Variants in ZHX1 observed in about 807,000 individuals in gnomAD.
ZHX1 encodes the protein zinc fingers and homeoboxes 1.
ZHX1 carries 20 observed loss-of-function variants against 61.8 expected under a neutral mutation model. The ratio of observed to expected loss-of-function variants is 0.32; its 90% confidence interval spans 0.23 to 0.47. The LOEUF (loss-of-function observed/expected upper bound fraction) is 0.47, where lower values mean the gene tolerates loss of function less well. Ranked by LOEUF, ZHX1 falls within the 20% of genes least tolerant of loss-of-function variation. The pLI is 1.00. For synonymous variants in ZHX1, 318 were observed against 352.6 expected (o/e 0.90, Z 1.10); for missense variants, 800 against 1,034.8 (o/e 0.77, Z 3.11).
intron 2 of ZHX1, among the ~76,000 whole-genome samples, chr8:123,260,459 C>T (rs1354085494): frequency 2.7e-5 from 4 of 148,948 alleles, no homozygotes; most frequent in Non-Finnish European, 4.5e-5. Context: ...GTTAGCCGGG[C>T]GTGGTGGCGT....
intron 2 of ZHX1, among the ~76,000 whole-genome samples, chr8:123,262,433 T>C (rs1045702119): frequency 6.6e-6 from 1 of 152,160 alleles, no homozygotes; most frequent in Admixed American, 6.5e-5. Flanking sequence ...TGAGAGTATG[T>C]AAAAAAATGA....
rs892645215 is a variant in ZHX1 at position 123,254,701 on chromosome 8, T to C, written c.1246A>G (p.Thr416Ala). 7 of 1,614,040 alleles carry C rather than the reference T, an allele frequency of 4.3e-6. No homozygotes were observed. The Admixed American group carries it at 6.7e-5, about 15-fold the overall frequency. ...TTTTGACTTGGAACGCCTGCCACTG[T>C]CAAGGCTATAGGTGCTGTAACTGGC... ...TLPVTAPIAL[T>A]VAGVPSQNNI... The change falls in exon 3 of 4, where the codon ACA becomes GCA. Residue 416 changes from threonine (T) to alanine (A), a missense_variant. Physicochemically the swap from Thr to Ala is moderately conservative, Grantham distance 58. Transcript: ENST00000395571. This position sits in a 1 kb window ranked among gnomAD's most constrained non-coding sequence, Gnocchi z 4.1.
chr8:123,272,346 T>C (rs1826683087), intron 1 of ZHX1, among the ~76,000 whole-genome samples: 1 of 152,234 alleles, frequency 6.6e-6, no homozygotes, highest in Admixed American at 6.5e-5. Context: ...CATTTTACTT[T>C]GTATAAAATT....
At chr8:123,268,223 GT>G (rs1379058114) in intron 1 of ZHX1, among the ~76,000 whole-genome samples, 1 of 152,104 alleles carries the variant, frequency 6.6e-6, no homozygotes, top group Non-Finnish European at 1.5e-5. Flanking sequence ...CAAACATGGG[GT>G]TATCTAACAA....
intron 2 of ZHX1, among the ~76,000 whole-genome samples, chr8:123,258,271 T>G (rs1826137694): frequency 6.6e-6 from 1 of 152,162 alleles, no homozygotes; most frequent in South Asian, 2.1e-4. Flanking sequence ...TGCCATGTGA[T>G]CTCTGCCCAC....
intron 2 of ZHX1, among the ~76,000 whole-genome samples, chr8:123,266,389 T>G (rs892945001): frequency 7.2e-5 from 11 of 152,222 alleles, no homozygotes; most frequent in African/African-American, 2.7e-4. Context: ...GAGGATATAA[T>G]GATTTGATTT....
chr8:123,253,408 C>T lies in ZHX1; in HGVS notation c.2539G>A (p.Glu847Lys), dbSNP rs1316314209. Residue 847 changes from glutamate to lysine, a missense_variant, in exon 3 of 4, where the codon GAG (glutamate) becomes AAG (lysine). Transcript: ENST00000395571. Reference sequence around the variant, plus strand: ...CTATCATCTGTTTCTTCTTCATCCTCTTCCTGGTCATCAATAACTTCATCT... The same window carrying T: ...CTATCATCTGTTTCTTCTTCATCCTTTTCCTGGTCATCAATAACTTCATCT... The part of the protein sequence containing the change: ...EEDEVIDDQE[E>K]DEEETDDSDT... 3.1e-6 allele frequency: 5 copies of T among 1,613,902 alleles called. No homozygotes were observed. In the Admixed American group the frequency reaches 8.3e-5, roughly 27 times the overall value.
At chr8:123,250,626 G>C (rs1199479677) in intron 3 of ZHX1, among the ~76,000 whole-genome samples, 1 of 152,080 alleles carries the variant, frequency 6.6e-6, no homozygotes, top group Non-Finnish European at 1.5e-5. Flanking sequence ...CTAAAGACTT[G>C]TACTTTTTTC....
rs1261784809 is a variant in ZHX1, at chr8:123,255,602, A to G, written c.345T>C (p.Asp115=). The part of the protein sequence containing the change: ...VECNFLTKRY[D]ALSEHNLKYH... ...ATTTCAGATTATGCTCAGAAAGTGC[A>G]TCATACCTTTTGGTAAGAAAATTGC... Residue 115 remains aspartate (D), a synonymous_variant, in exon 3 of 4, where the codon GAT becomes GAC. Coordinates refer to ENST00000395571, the MANE Select transcript of ZHX1 (RefSeq NM_007222.5). 1.2e-6 allele frequency: 2 copies of G among 1,613,526 alleles called. No individual in the cohort carries two copies. Among genetic ancestry groups the G allele is most frequent in the African/African-American group, 1.3e-5 (1 of 75,064 alleles).
At chr8:123,257,555 G>T (rs901541795) in intron 2 of ZHX1, among the ~76,000 whole-genome samples, 3 of 152,174 alleles carry the variant, frequency 2.0e-5, no homozygotes, top group African/African-American at 4.8e-5. Context: ...ACCAGGGACT[G>T]GTCTCATGGA....
intron 2 of ZHX1, among the ~76,000 whole-genome samples, chr8:123,262,494 T>C (rs1353166710): frequency 6.6e-6 from 1 of 152,192 alleles, no homozygotes; most frequent in Non-Finnish European, 1.5e-5. Flanking sequence ...TTCACAAGTT[T>C]TCTTTTTCTT....
chr8:123,265,615 C>T (rs995607822), intron 2 of ZHX1, among the ~76,000 whole-genome samples: 3 of 152,074 alleles, frequency 2.0e-5, no homozygotes, highest in African/African-American at 7.2e-5. Context: ...CATTTAGAAA[C>T]ATCAAGTTCT....
intron 2 of ZHX1, among the ~76,000 whole-genome samples, chr8:123,264,318 A>G (rs569781604): frequency 1.5e-4 from 23 of 152,298 alleles, no homozygotes; most frequent in Admixed American, 1.2e-3. Flanking sequence ...AAGATTAAAA[A>G]TAAGTCCTCA....
intron 2 of ZHX1, among the ~76,000 whole-genome samples, chr8:123,262,185 G>A (rs913689067): frequency 2.6e-5 from 4 of 152,138 alleles, no homozygotes; most frequent in Non-Finnish European, 4.4e-5. Flanking sequence ...ATCCAGCACT[G>A]TAAATGTAAT....
In ZHX1 at chr8:123,250,197, T is replaced by A; in HGVS notation, c.*127A>T. The A allele has an allele frequency of 2.2e-6, 1 of 451,578 alleles. No homozygotes were observed. The allele number at this position is 451,578 out of a possible 1,614,324, so 28.0% of individuals were successfully genotyped here. On this transcript the variant is annotated 3_prime_UTR_variant, in exon 4 of 4. Transcript: ENST00000395571. ...ATTAAGTTCCATTTCTTTTGGGTAT[T>A]GGATCCTGCTTTTTGAGTGTGTATG...
Position 123,253,434 on chromosome 8 carries a change from T to G in ZHX1, c.2513A>C (p.Glu838Ala), listed in dbSNP as rs1183223912. Residue 838 changes from glutamate (E) to alanine (A), a missense_variant, in exon 3 of 4, where the codon GAA becomes GCA. Glu to Ala is a moderately radical substitution (Grantham distance 107). Coordinates refer to ENST00000395571, the MANE Select transcript of ZHX1 (RefSeq NM_007222.5). ...GIELFEENEE[E>A]DEVIDDQEED... ...TTCCTGGTCATCAATAACTTCATCT[T>G]CCTCCTCATTTTCCTCAAATAATTC... The G allele has an allele frequency of 6.2e-7, 1 of 1,614,108 alleles. No individual in the cohort carries two copies. Among genetic ancestry groups the G allele is most frequent in the East Asian group, 2.2e-5 (1 of 44,872 alleles).
chr8:123,271,421 T>C (rs1452803768), intron 1 of ZHX1, among the ~76,000 whole-genome samples: 1 of 152,166 alleles, frequency 6.6e-6, no homozygotes, highest in Non-Finnish European at 1.5e-5. Flanking sequence ...GCACTGACTA[T>C]GATATTAGAT....
At chr8:123,262,496 C>A (rs1170187315) in intron 2 of ZHX1, among the ~76,000 whole-genome samples, 2 of 152,120 alleles carry the variant, frequency 1.3e-5, no homozygotes, top group Non-Finnish European at 2.9e-5. Flanking sequence ...CACAAGTTTT[C>A]TTTTTCTTTT....
chr8:123,254,187 A>G lies in ZHX1; in HGVS notation c.1760T>C (p.Phe587Ser), dbSNP rs1826001156. The G allele has an allele frequency of 6.2e-7, 1 of 1,614,042 alleles. No individual in the cohort carries two copies. Among genetic ancestry groups the G allele is most frequent in the African/African-American group, 1.3e-5 (1 of 74,918 alleles). The change falls in exon 3 of 4, where the codon TTT becomes TCT. Residue 587 changes from phenylalanine (F) to serine (S), a missense_variant. Physicochemically the swap from Phe to Ser is radical, Grantham distance 155 (BLOSUM62 -2). Coordinates refer to ENST00000395571, the MANE Select transcript of ZHX1 (RefSeq NM_007222.5). The surrounding 1 kb of genome is among the most constrained non-coding windows in gnomAD (Gnocchi z 4.1). ...ATCTGTAAGTACAGAGCTGTTGAGA[A>G]AACTTGCCTGAAGGACACGAAGCTG... Reference protein sequence around the residue: ...AEQLRVLQASFLNSSVLTDEE... With the variant: ...AEQLRVLQASSLNSSVLTDEE...
Sources: gnomAD v4.1 joint callset for allele counts (sites outside exome capture counted in the v4.1 genomes callset) on GRCh38, gnomAD v4.1.1 for gene constraint, Gnocchi (gnomAD v3.1) non-coding constraint, MANE v1.5 for transcripts, NCBI Gene and HGNC (gene_info 2026-07-23, HGNC 2026-07-21) for gene names.